Variants in FXN observed in about 807,000 individuals in gnomAD.
The protein encoded by FXN is frataxin, mitochondrial.
Under a neutral mutation model 22.4 loss-of-function variants are expected in FXN, and 14 were observed. The observed-to-expected ratio is 0.62, with a 90% CI of 0.41 to 0.98. The LOEUF is 0.98. Among genes scored for constraint, FXN ranks in the 50% least tolerant of loss-of-function variants. The probability of loss-of-function intolerance (pLI) is 0.00; values close to 1 mark genes in which losing one functional copy is unlikely to be tolerated. For synonymous variants in FXN, 120 were observed against 114.1 expected (o/e 1.05, Z -0.33); for missense variants, 267 against 268.4 (o/e 0.99, Z 0.04).
intron 1 of FXN, among the ~76,000 whole-genome samples, chr9:69,041,790 C>G (rs1342399473): frequency 6.6e-6 from 1 of 152,300 alleles, no homozygotes; most frequent in African/African-American, 2.4e-5. Context: ...CAGAAACTAT[C>G]TAATATTTCC....
intron 2 of FXN, among the ~76,000 whole-genome samples, chr9:69,047,925 C>G (rs1418800845): frequency 1.3e-5 from 2 of 152,068 alleles, no homozygotes; most frequent in African/African-American, 4.8e-5. Context: ...ACCATGTTGG[C>G]CAGGCTGGTC....
chr9:69,051,995 G>A (rs898203327), intron 2 of FXN, among the ~76,000 whole-genome samples: 8 of 150,484 alleles, frequency 5.3e-5, no homozygotes, highest in African/African-American at 2.0e-4. Context: ...TTACAGGCTC[G>A]CCCCACCATG....
At chr9:69,039,749 G>A (rs1009676369) in intron 1 of FXN, among the ~76,000 whole-genome samples, 10 of 152,158 alleles carry the variant, frequency 6.6e-5, no homozygotes, top group African/African-American at 2.4e-4. Flanking sequence ...GAGATAACTG[G>A]ATGTTTCTTA....
At chr9:69,043,978 C>T (rs998094017) in intron 1 of FXN, among the ~76,000 whole-genome samples, 1 of 152,150 alleles carries the variant, frequency 6.6e-6, no homozygotes, top group East Asian at 1.9e-4. Context: ...CCACCTTGGC[C>T]TCCCAAAGTG....
chr9:69,076,324 T>C lies in FXN; in HGVS notation c.*3562T>C, dbSNP rs1832369388. 1.0e-6 allele frequency: 1 copy of C among 985,168 alleles called. No homozygotes were observed. Among genetic ancestry groups the C allele is most frequent in the African/African-American group, 1.7e-5 (1 of 57,168 alleles). 61.0% of individuals were successfully genotyped at this position (985,168 alleles called of 1,614,324 possible). Reference sequence around the variant, plus strand: ...AGAAGTACTCAGTTCATGACAACTGTTGTTCTCACATGCATAGCATAATTT... The same window carrying C: ...AGAAGTACTCAGTTCATGACAACTGCTGTTCTCACATGCATAGCATAATTT... On this transcript the variant is annotated 3_prime_UTR_variant, in exon 5 of 5. Transcript: ENST00000484259.
At chr9:69,071,417 A>C (rs1453562230) in intron 4 of FXN, among the ~76,000 whole-genome samples, 2 of 152,212 alleles carry the variant, frequency 1.3e-5, no homozygotes, top group African/African-American at 4.8e-5. Flanking sequence ...TTGAGTGCTC[A>C]GGCAGACTCA....
intron 4 of FXN, among the ~76,000 whole-genome samples, 171 bp from the exon 5 acceptor site, chr9:69,072,441 G>A (rs892530707): frequency 3.3e-5 from 5 of 151,868 alleles, no homozygotes; most frequent in African/African-American, 9.7e-5. Flanking sequence ...AAGATATATC[G>A]TATAACTCTT....
chr9:69,037,456 C>A (rs1312621765), intron 1 of FXN, among the ~76,000 whole-genome samples: 3 of 151,514 alleles, frequency 2.0e-5, no homozygotes, highest in African/African-American at 7.3e-5. Flanking sequence ...CAGAGCAAGA[C>A]TCCGTCTCAA....
At chr9:69,045,949 C>A (rs1831744970) in intron 1 of FXN, among the ~76,000 whole-genome samples, 1 of 152,208 alleles carries the variant, frequency 6.6e-6, no homozygotes, top group African/African-American at 2.4e-5. Flanking sequence ...GGCATGCTTT[C>A]AGTATGCCCT....
chr9:69,073,151 A>G lies in FXN; in HGVS notation c.*389A>G, dbSNP rs1187479997. On this transcript the variant is annotated 3_prime_UTR_variant, in exon 5 of 5. Coordinates refer to ENST00000484259, the MANE Select transcript of FXN (RefSeq NM_000144.5). ...TTGAAGGATTTACTGCAAGAAGTAC[A>G]TGAAGAGCAGCTGGTCAACCTGCTC... 3.6e-6 allele frequency: 4 copies of G among 1,117,372 alleles called. No individual in the cohort carries two copies. The highest frequency in any genetic ancestry group is 4.4e-6 in the Non-Finnish European group (4 of 909,982). 69.2% of individuals were successfully genotyped at this position (1,117,372 alleles called of 1,614,324 possible). A position where few individuals can be genotyped will look rare whatever the true frequency, so the allele number is the denominator to read the frequency against.
At chr9:69,042,680 CTA>C (rs764121977) in intron 1 of FXN, among the ~76,000 whole-genome samples, 10 of 151,618 alleles carry the variant, frequency 6.6e-5, no homozygotes, top group Non-Finnish European at 1.2e-4. Context: ...CATCAAATCT[CTA>C]TTAAATTAAA....
rs1433903217 is a variant in FXN at position 69,073,803 on chromosome 9, A to T, written c.*1041A>T. On this transcript the variant is annotated 3_prime_UTR_variant, in exon 5 of 5. Transcript: ENST00000484259. The stretch of plus-strand genomic sequence containing the variant: ...AATTCCCTATTGGGTAGATGAGGGG[A>T]TGACAAAGAACAGTTTTTAAGCTAT... 3.0e-6 allele frequency: 3 copies of T among 985,190 alleles called. No homozygotes were observed. The Admixed American group carries it at 1.8e-4, about 61-fold the overall frequency. The allele number at this position is 985,190 out of a possible 1,614,324, so 61.0% of individuals were successfully genotyped here.
chr9:69,077,982 T>C lies in FXN; in HGVS notation c.*5220T>C, dbSNP rs1448954230. On this transcript the variant is annotated 3_prime_UTR_variant, in exon 5 of 5. Transcript: ENST00000484259. Reference sequence around the variant, plus strand: ...CTTAAGTGTAAAGGTGGCTAAATTATATAGAAAAATAAGACAATATCATTT... The same window carrying C: ...CTTAAGTGTAAAGGTGGCTAAATTACATAGAAAAATAAGACAATATCATTT... The C allele has an allele frequency of 2.0e-6, 2 of 984,970 alleles. No homozygotes were observed. The highest frequency in any genetic ancestry group is 6.1e-5 in the Admixed American group (1 of 16,264). 61.0% of individuals were successfully genotyped at this position (984,970 alleles called of 1,614,324 possible). A position where few individuals can be genotyped will look rare whatever the true frequency, so the allele number is the denominator to read the frequency against.
At chr9:69,059,391 C>T (rs201174065) in intron 3 of FXN, among the ~76,000 whole-genome samples, 93 of 62,976 alleles carry the variant, frequency 1.5e-3, no homozygotes, top group Admixed American at 4.4e-3. Context: ...GAGGCAGCAT[C>T]TTTTTTTTTT....
intron 3 of FXN, among the ~76,000 whole-genome samples, chr9:69,058,491 ACTGT>A (rs1220178007): frequency 6.6e-6 from 1 of 151,886 alleles, no homozygotes; most frequent in Non-Finnish European, 1.5e-5. Flanking sequence ...TCAGCATATT[ACTGT>A]CTTAGAACTG....
chr9:69,070,475 G>A (rs547840411), intron 4 of FXN, among the ~76,000 whole-genome samples: 2 of 152,354 alleles, frequency 1.3e-5, no homozygotes, highest in South Asian at 2.1e-4. Context: ...GGCAGGTAAC[G>A]ATGCGAGGGC....
chr9:69,067,408 T>C (rs1279846000), intron 4 of FXN, among the ~76,000 whole-genome samples: 1 of 152,256 alleles, frequency 6.6e-6, no homozygotes, highest in African/African-American at 2.4e-5. Flanking sequence ...ATTGTTTTTA[T>C]ACCTGTGGCA....
intron 3 of FXN, among the ~76,000 whole-genome samples, chr9:69,058,333 A>C (rs1832001187): frequency 6.6e-6 from 1 of 152,168 alleles, no homozygotes; most frequent in Admixed American, 6.5e-5. Flanking sequence ...TACTTGACCT[A>C]GTAAAATCTG....
intron 1 of FXN, among the ~76,000 whole-genome samples, chr9:69,036,791 A>G (rs984465631): frequency 6.6e-6 from 1 of 152,160 alleles, no homozygotes; most frequent in African/African-American, 2.4e-5. Context: ...AAAGGAGGAA[A>G]CCCAAAGAAT....
Sources: gnomAD v4.1 joint callset for allele counts (sites outside exome capture counted in the v4.1 genomes callset) on GRCh38, gnomAD v4.1.1 for gene constraint, MANE v1.5 for transcripts, NCBI Gene and HGNC (gene_info 2026-07-23, HGNC 2026-07-21) for gene names.